Variants in NRG3 observed in about 807,000 individuals in gnomAD.
NRG3 encodes neuregulin 3.
A neutral mutation model predicts 66.9 loss-of-function variants in NRG3; 31 were observed. The observed-to-expected ratio is 0.46, with a 90% CI of 0.35 to 0.63. The LOEUF (loss-of-function observed/expected upper bound fraction) is 0.63. NRG3 is among the 20% of genes least tolerant of loss of function. The probability of loss-of-function intolerance (pLI) is 0.00; values close to 1 mark genes in which losing one functional copy is unlikely to be tolerated. For synonymous variants in NRG3, 393 were observed against 359.4 expected, an observed-to-expected ratio of 1.09 and a Z score of -1.06; for missense variants, 910 against 878.9, an observed-to-expected ratio of 1.04 and a Z score of -0.45.
At chr10:82,819,379 C>T (rs2061850266) in intron 3 of NRG3, among the ~76,000 whole-genome samples, 2 of 152,084 alleles carry the variant, frequency 1.3e-5, no homozygotes, top group Admixed American at 1.3e-4. Context: ...TGCTAGGAGA[C>T]CTGATAGGAA....
At chr10:81,899,788 C>T (rs1308476066) in intron 1 of NRG3, among the ~76,000 whole-genome samples, 2 of 152,084 alleles carry the variant, frequency 1.3e-5, no homozygotes, top group South Asian at 2.1e-4. Flanking sequence ...AGTAAACACT[C>T]GGGCGAAGTC....
intron 1 of NRG3, among the ~76,000 whole-genome samples, chr10:82,184,551 A>G (rs1383652809): frequency 1.3e-5 from 2 of 152,190 alleles, no homozygotes; most frequent in African/African-American, 2.4e-5. Flanking sequence ...TTATTTATGT[A>G]TAATAATACT....
chr10:82,030,359 T>C (rs1220452115), intron 1 of NRG3, among the ~76,000 whole-genome samples: 1 of 152,036 alleles, frequency 6.6e-6, no homozygotes, highest in Non-Finnish European at 1.5e-5. Context: ...ATGGTGGAAG[T>C]AAGGAGAGAA....
intron 2 of NRG3, among the ~76,000 whole-genome samples, chr10:82,644,424 C>G (rs539831939): frequency 1.1e-4 from 17 of 152,176 alleles, no homozygotes; most frequent in Non-Finnish European, 2.4e-4. Flanking sequence ...AGGGCAGATG[C>G]CTTTTCTCTT....
chr10:82,945,525 A>G (rs1044238837), intron 4 of NRG3, among the ~76,000 whole-genome samples: 1 of 152,204 alleles, frequency 6.6e-6, no homozygotes, highest in Non-Finnish European at 1.5e-5. Context: ...TAGCGCCAGC[A>G]TCTGGTGAGG....
chr10:82,658,559 C>T (rs886187712), intron 2 of NRG3, among the ~76,000 whole-genome samples: 1 of 115,926 alleles, frequency 8.6e-6, no homozygotes, highest in African/African-American at 3.0e-5. Context: ...GTAAAAAAGC[C>T]AGAAAAAAAA....
At chr10:82,886,450 T>C (rs954824717) in intron 4 of NRG3, among the ~76,000 whole-genome samples, 2 of 152,214 alleles carry the variant, frequency 1.3e-5, no homozygotes, top group African/African-American at 4.8e-5. Flanking sequence ...ATTGGATCGA[T>C]ACGTTTTGCA....
intron 1 of NRG3, chr10:81,878,021 G>A (rs886452374): frequency 2.0e-5 from 31 of 1,537,554 alleles, no homozygotes; most frequent in Non-Finnish European, 2.7e-5. Flanking sequence ...ACTACACACG[G>A]TAGGGGTATT....
rs139978364 is a variant in NRG3, at chr10:82,883,319, G to C, written c.1054+17882G>C. On this transcript the variant is annotated intron_variant, in intron 4 of 8. Transcript: ENST00000372141. ...ATTATTATTAATTATACATTTAGAAGAAGCCTCGGAGATCAGCAAGTTGAA... is the reference window on the plus strand; with the variant it reads ...ATTATTATTAATTATACATTTAGAACAAGCCTCGGAGATCAGCAAGTTGAA... Among the ~76,000 whole-genome samples the C allele has an allele frequency of 1.8e-3, 273 of 152,190 alleles. 3 individuals are homozygous for C. The highest frequency in any genetic ancestry group is 6.3e-3 in the African/African-American group (262 of 41,550).
intron 1 of NRG3, among the ~76,000 whole-genome samples, chr10:82,045,938 G>T (rs912322428): frequency 6.6e-6 from 1 of 151,214 alleles, no homozygotes; most frequent in African/African-American, 2.4e-5. Flanking sequence ...TCTCTGTTTT[G>T]GTACCAGTAC....
intron 1 of NRG3, among the ~76,000 whole-genome samples, chr10:82,316,698 C>A (rs939341207): frequency 2.6e-5 from 4 of 152,204 alleles, no homozygotes; most frequent in African/African-American, 9.6e-5. Flanking sequence ...AAAAGTGTTT[C>A]TACTTCTAAA....
At chr10:82,825,511 A>C (rs2062158537) in intron 3 of NRG3, among the ~76,000 whole-genome samples, 2 of 152,196 alleles carry the variant, frequency 1.3e-5, no homozygotes, top group Non-Finnish European at 2.9e-5. Flanking sequence ...AAGTGGTGGA[A>C]ACTCTAAGCA....
intron 2 of NRG3, among the ~76,000 whole-genome samples, chr10:82,498,165 G>T (rs1843796066): frequency 6.7e-6 from 1 of 149,914 alleles, no homozygotes; most frequent in Non-Finnish European, 1.5e-5. Flanking sequence ...TATATGGTTT[G>T]CATATATATT....
At chr10:81,967,238 T>A (rs1458198194) in intron 1 of NRG3, among the ~76,000 whole-genome samples, 1 of 151,846 alleles carries the variant, frequency 6.6e-6, no homozygotes, top group Non-Finnish European at 1.5e-5. Flanking sequence ...GTATAAGTAG[T>A]TTGTGATTTC....
chr10:82,379,154 T>G (rs540037680), intron 2 of NRG3, among the ~76,000 whole-genome samples: 1 of 152,118 alleles, frequency 6.6e-6, no homozygotes, highest in East Asian at 2.0e-4. Context: ...ACCTAAGAAA[T>G]GGTTTGGTAG....
At chr10:82,439,470 G>A (rs1257191483) in intron 2 of NRG3, among the ~76,000 whole-genome samples, 1 of 151,884 alleles carries the variant, frequency 6.6e-6, no homozygotes, top group Non-Finnish European at 1.5e-5. Flanking sequence ...GCCCCCATAT[G>A]TATAACTTAC....
intron 1 of NRG3, among the ~76,000 whole-genome samples, chr10:82,099,171 A>T (rs2066564242): frequency 6.6e-6 from 1 of 152,118 alleles, no homozygotes; most frequent in Admixed American, 6.5e-5. Flanking sequence ...ACTTTGCCTA[A>T]CTTACTGTAG....
chr10:82,784,597 T>C (rs1393455511), intron 3 of NRG3, among the ~76,000 whole-genome samples: 2 of 151,976 alleles, frequency 1.3e-5, no homozygotes, highest in Non-Finnish European at 2.9e-5. Context: ...AAAAGACATA[T>C]GAAAAAATGC....
At chr10:82,865,762 C>T (rs998264324) in intron 4 of NRG3, among the ~76,000 whole-genome samples, 4 of 152,096 alleles carry the variant, frequency 2.6e-5, no homozygotes, top group East Asian at 1.9e-4. Context: ...TTTTCCTGCA[C>T]ATGTAAATTG....
Sources: gnomAD v4.1 joint callset for allele counts (sites outside exome capture counted in the v4.1 genomes callset) on GRCh38, gnomAD v4.1.1 for gene constraint, MANE v1.5 for transcripts, NCBI Gene and HGNC (gene_info 2026-07-23, HGNC 2026-07-21) for gene names.